DNAH9: variants seen among roughly 807,000 people sequenced by gnomAD.
DNAH9 encodes dynein axonemal heavy chain 9.
DNAH9 carries 345 observed loss-of-function variants against 471.6 expected under a neutral mutation model. That is an observed-to-expected ratio of 0.73 (90% CI 0.67 to 0.80). The LOEUF is 0.80. Ranked by LOEUF, DNAH9 falls within the 30% of genes least tolerant of loss-of-function variation. The pLI is 0.00. For missense variants in DNAH9, 5,407 were observed against 5,609.2 expected (o/e 0.96, Z 1.15); for synonymous variants, 2,093 against 2,123.6 (o/e 0.99, Z 0.40).
chr17:11,831,029 A>G (rs4329950), intron 48 of DNAH9, among the ~76,000 whole-genome samples: 49,679 of 152,144 alleles, frequency 0.33, 8,305 homozygotes, highest in East Asian at 0.44. Context: ...GGACACATCT[A>G]TATCTAAAAG....
At chr17:11,697,395 G>T (rs965982841) in intron 22 of DNAH9, among the ~76,000 whole-genome samples, 1 of 151,918 alleles carries the variant, frequency 6.6e-6, no homozygotes, top group African/African-American at 2.4e-5. Flanking sequence ...GTCATCTGAG[G>T]CCTGCCTGCT....
chr17:11,876,638 T>G (rs1170054556), intron 53 of DNAH9, among the ~76,000 whole-genome samples: 1 of 152,216 alleles, frequency 6.6e-6, no homozygotes, highest in Non-Finnish European at 1.5e-5. Context: ...GAATGGTGTT[T>G]GCCAGGGAGT....
chr17:11,809,988 G>A (rs1056892087), intron 44 of DNAH9, among the ~76,000 whole-genome samples: 2 of 152,126 alleles, frequency 1.3e-5, no homozygotes, highest in African/African-American at 4.8e-5. Context: ...AGGTACAGGA[G>A]CTAGCATGGT....
chr17:11,861,773 C>T (rs535899362), intron 50 of DNAH9, among the ~76,000 whole-genome samples: 32 of 152,216 alleles, frequency 2.1e-4, no homozygotes, highest in African/African-American at 7.2e-4. Flanking sequence ...CTCTGATGGC[C>T]AGTGATGGTG....
intron 35 of DNAH9, among the ~76,000 whole-genome samples, chr17:11,762,453 G>A (rs1352675171): frequency 6.6e-6 from 1 of 152,158 alleles, no homozygotes; most frequent in African/African-American, 2.4e-5. Context: ...CCTGCTGCAT[G>A]AGGCATAGGA....
intron 1 of DNAH9, among the ~76,000 whole-genome samples, chr17:11,607,168 C>T (rs986781866): frequency 1.2e-4 from 18 of 152,104 alleles, no homozygotes; most frequent in African/African-American, 4.3e-4. Flanking sequence ...TCCTTTTTTG[C>T]CTCTGGCCTT....
At chr17:11,622,650 T>C (rs2072892307) in intron 6 of DNAH9, among the ~76,000 whole-genome samples, 1 of 152,172 alleles carries the variant, frequency 6.6e-6, no homozygotes, top group Admixed American at 6.5e-5. Context: ...ATGATTTGAC[T>C]TTGCATATAG....
At chr17:11,702,000 G>A (rs544617735) in intron 24 of DNAH9, among the ~76,000 whole-genome samples, 1 of 152,198 alleles carries the variant, frequency 6.6e-6, no homozygotes, top group South Asian at 2.1e-4. Context: ...TGTTTTAATA[G>A]GGGAGGCTCA....
At chr17:11,801,043 G>A (rs2874669) in intron 43 of DNAH9, among the ~76,000 whole-genome samples, 103,981 of 152,030 alleles carry the variant, frequency 0.68, 35,748 homozygotes, top group Non-Finnish European at 0.7. Flanking sequence ...AGAACTCTCT[G>A]TGTGCCTTGT....
intron 50 of DNAH9, among the ~76,000 whole-genome samples, chr17:11,855,290 G>C (rs753756283): frequency 1.3e-5 from 2 of 152,082 alleles, no homozygotes; most frequent in African/African-American, 2.4e-5. Flanking sequence ...AAAACGTTAA[G>C]GTGTTACTTA....
At chr17:11,812,430 T>C (rs777309944) in intron 45 of DNAH9, among the ~76,000 whole-genome samples, 4 of 152,056 alleles carry the variant, frequency 2.6e-5, no homozygotes, top group African/African-American at 4.8e-5. Context: ...CTATATATTG[T>C]AAGTAATATA....
intron 61 of DNAH9, among the ~76,000 whole-genome samples, chr17:11,910,450 A>G (rs1465719786): frequency 2.0e-5 from 3 of 152,278 alleles, no homozygotes; most frequent in Admixed American, 1.3e-4. Context: ...TTATCTCTCT[A>G]TTCATCTGTT....
At chr17:11,804,014 GC>G (rs1354100057) in intron 43 of DNAH9, among the ~76,000 whole-genome samples, 11 of 152,350 alleles carry the variant, frequency 7.2e-5, no homozygotes, top group African/African-American at 2.6e-4. Context: ...CAAATGTGGA[GC>G]TCATATAAGG....
intron 32 of DNAH9, among the ~76,000 whole-genome samples, chr17:11,748,324 C>T (rs1025251842): frequency 1.3e-5 from 2 of 152,170 alleles, no homozygotes; most frequent in East Asian, 3.9e-4. Context: ...AAGACTCCAT[C>T]TCAAATAAAT....
intron 61 of DNAH9, among the ~76,000 whole-genome samples, chr17:11,912,736 A>G (rs941596194): frequency 3.9e-5 from 6 of 152,172 alleles, no homozygotes; most frequent in Middle Eastern, 3.2e-3. Flanking sequence ...GAATATTTAC[A>G]TGTATATTCA....
At chr17:11,820,416 A>AT (rs113939747) in intron 45 of DNAH9, among the ~76,000 whole-genome samples, 7,542 of 152,218 alleles carry the variant, frequency 0.05, 632 homozygotes, top group African/African-American at 0.17. Context: ...GATAAAAAAA[A>AT]AATAAGGTGT....
At chr17:11,697,738 C>T (rs1386364841) in intron 22 of DNAH9, among the ~76,000 whole-genome samples, 1 of 151,986 alleles carries the variant, frequency 6.6e-6, no homozygotes, top group East Asian at 1.9e-4. Context: ...TAGTCCTCTT[C>T]CTTGGCATTT....
intron 50 of DNAH9, among the ~76,000 whole-genome samples, chr17:11,867,567 T>C (rs1043488696): frequency 1.3e-5 from 2 of 152,244 alleles, no homozygotes; most frequent in Non-Finnish European, 2.9e-5. Context: ...TTTAACTTTG[T>C]TGTTGCAGTT....
At chr17:11,739,544 G>T (rs1344935966) in intron 29 of DNAH9, among the ~76,000 whole-genome samples, 1 of 152,034 alleles carries the variant, frequency 6.6e-6, no homozygotes, top group African/African-American at 2.4e-5. Flanking sequence ...TAGCTTCCCA[G>T]AAGTGGAATT....
Sources: gnomAD v4.1 joint callset for allele counts (sites outside exome capture counted in the v4.1 genomes callset) on GRCh38, gnomAD v4.1.1 for gene constraint, MANE v1.5 for transcripts, NCBI Gene and HGNC (gene_info 2026-07-23, HGNC 2026-07-21) for gene names.